GLRX: variants seen among roughly 807,000 people sequenced by gnomAD.
GLRX encodes glutaredoxin, also known as glutaredoxin-1.
GLRX carries 9 observed loss-of-function variants against 11.1 expected under a neutral mutation model. The ratio of observed to expected loss-of-function variants is 0.81; its 90% CI spans 0.49 to 1.42. The LOEUF is 1.42. Among genes scored for constraint, GLRX ranks in the 40% most tolerant of loss-of-function variants. The pLI is 0.00. For synonymous variants in GLRX, 49 were observed against 49.5 expected, an observed-to-expected ratio of 0.99 and a Z score of 0.04; for missense variants, 102 against 126.2, an observed-to-expected ratio of 0.81 and a Z score of 0.92.
At chr5:95,819,908 A>C (rs1213392738) in intron 1 of GLRX, among the ~76,000 whole-genome samples, 1 of 150,856 alleles carries the variant, frequency 6.6e-6, no homozygotes, top group Non-Finnish European at 1.5e-5. Context: ...AAAAAAAAAA[A>C]AAAAAAAAAA....
intron 1 of GLRX, chr5:95,816,936 A>T (rs905612761): frequency 3.9e-5 from 9 of 227,902 alleles, no homozygotes; most frequent in Non-Finnish European, 8.0e-5. Context: ...GGCTGCAGTC[A>T]GACCACCTAG....
intron 1 of GLRX, 43 bp downstream of exon 1, chr5:95,822,413 G>C (rs756208930): frequency 6.7e-7 from 1 of 1,481,646 alleles, no homozygotes; most frequent in African/African-American, 1.4e-5. Flanking sequence ...ACAAGAAAAG[G>C]CAATCCGGGA....
chr5:95,814,964 GGAAA>G (rs1021364948), intron 2 of GLRX: 10 of 166,784 alleles, frequency 6.0e-5, no homozygotes, highest in Non-Finnish European at 1.0e-4. Flanking sequence ...TGTTCTGCCA[GGAAA>G]GAAAGAAGGG....
chr5:95,822,436 C>T lies in GLRX; in HGVS notation c.207+20G>A, dbSNP rs1267474957. 3 of 1,588,680 alleles carry T rather than the reference C, an allele frequency of 1.9e-6. No individual in the cohort carries two copies. In the Admixed American group the frequency reaches 5.0e-5, roughly 26 times the overall value. On this transcript the variant is annotated intron_variant, in intron 1 of 2. Transcript: ENST00000237858. Reference sequence around the variant, plus strand: ...AGGCAATCCGGGAGCCTTTCCCTAGCCGTTTAAAATGAAACTCACCGTTCT... The same window carrying T: ...AGGCAATCCGGGAGCCTTTCCCTAGTCGTTTAAAATGAAACTCACCGTTCT...
chr5:95,815,029 C>G (rs926684801), intron 2 of GLRX: 2 of 153,118 alleles, frequency 1.3e-5, no homozygotes, highest in African/African-American at 4.8e-5. Flanking sequence ...AGAACACTTA[C>G]ACCTGCCATT....
chr5:95,816,389 A>G (rs563970997), intron 2 of GLRX, 118 bp downstream of exon 2: 3 of 623,438 alleles, frequency 4.8e-6, no homozygotes, highest in East Asian at 2.7e-5. Context: ...CCATTCCTCA[A>G]CTCACCCCAA....
At chr5:95,815,146 A>G (rs932949868) in intron 2 of GLRX, among the ~76,000 whole-genome samples, 2 of 152,216 alleles carry the variant, frequency 1.3e-5, no homozygotes, top group African/African-American at 4.8e-5. Context: ...GACTTTCTGA[A>G]TATGGGGGAC....
At chr5:95,820,319 C>G (rs1306843116) in intron 1 of GLRX, among the ~76,000 whole-genome samples, 1 of 135,586 alleles carries the variant, frequency 7.4e-6, no homozygotes, top group Admixed American at 8.3e-5. Flanking sequence ...CCACTGCACT[C>G]TAGCCTGGGT....
At chr5:95,821,543 T>C (rs1254713194) in intron 1 of GLRX, among the ~76,000 whole-genome samples, 1 of 152,154 alleles carries the variant, frequency 6.6e-6, no homozygotes, top group African/African-American at 2.4e-5. Flanking sequence ...AAAACTGAAA[T>C]AGGATATGTG....
chr5:95,815,499 T>C (rs1746958420), intron 2 of GLRX, among the ~76,000 whole-genome samples: 2 of 152,230 alleles, frequency 1.3e-5, no homozygotes, highest in South Asian at 4.1e-4. Flanking sequence ...AAATGAGTTA[T>C]TAATTAGCAG....
chr5:95,816,611 TAAAG>T lies in GLRX; in HGVS notation c.219_222del (p.Phe74LeufsTer6). On this transcript the variant is annotated frameshift_variant, in exon 2 of 3. Coordinates refer to ENST00000237858, the MANE Select transcript of GLRX (RefSeq NM_001118890.2). LOFTEE classifies it high-confidence loss of function. ...CATCCGCCTATACAATCTTTACCAA[TAAAG>T]ACTCGAGGCACCTAAAAAAGCACAC... 6.3e-7 allele frequency: 1 copy of T among 1,581,536 alleles called. No individual in the cohort carries two copies. Among genetic ancestry groups the T allele is most frequent in the Non-Finnish European group, 8.7e-7 (1 of 1,150,258 alleles).
intron 1 of GLRX, among the ~76,000 whole-genome samples, chr5:95,820,398 ATAT>A (rs1401465399): frequency 6.6e-6 from 1 of 151,300 alleles, no homozygotes; most frequent in African/African-American, 2.4e-5. Flanking sequence ...ACTACAAGAA[ATAT>A]TGTTGTTCTA....
chr5:95,822,337 G>T, intron 1 of GLRX, 119 bp downstream of exon 1: 1 of 445,196 alleles, frequency 2.2e-6, no homozygotes. Flanking sequence ...CCCCCGCCCC[G>T]CACAGCCCTC....
chr5:95,814,801 C>T (rs899728634), intron 2 of GLRX: 1 of 152,970 alleles, frequency 6.5e-6, no homozygotes, highest in East Asian at 1.9e-4. Flanking sequence ...CGTCAACCTT[C>T]TTGGCCCTGT....
chr5:95,818,850 C>T (rs1747106240), intron 1 of GLRX: 1 of 152,512 alleles, frequency 6.6e-6, no homozygotes, highest in African/African-American at 2.4e-5. Flanking sequence ...ACCTCACCTC[C>T]ACTAACTCTC....
chr5:95,821,369 T>C (rs1293025113), intron 1 of GLRX, among the ~76,000 whole-genome samples: 1 of 152,088 alleles, frequency 6.6e-6, no homozygotes, highest in Non-Finnish European at 1.5e-5. Flanking sequence ...CAAGAGCTTC[T>C]CTCGTCATTG....
At position 95,814,282 on chromosome 5, in the gene GLRX, C is replaced by T. The variant is rs1432262080; in HGVS notation, c.*114G>A. The T allele has an allele frequency of 2.0e-5, 3 of 152,668 alleles. No homozygotes were observed. Among genetic ancestry groups the T allele is most frequent in the Non-Finnish European group, 1.5e-5 (1 of 68,044 alleles). 9.5% of individuals were successfully genotyped at this position (152,668 alleles called of 1,614,324 possible). A position where few individuals can be genotyped will look rare whatever the true frequency, so the allele number is the denominator to read the frequency against. On this transcript the variant is annotated 3_prime_UTR_variant, in exon 3 of 3. Coordinates refer to ENST00000237858, the MANE Select transcript of GLRX (RefSeq NM_001118890.2). ...GTTCCGCATGACCACAGCCTCTGCA[C>T]TTGTGCCTCTGATCCATATGACACC...
intron 2 of GLRX, among the ~76,000 whole-genome samples, chr5:95,815,177 A>C (rs1449739939): frequency 2.0e-5 from 3 of 152,252 alleles, no homozygotes; most frequent in Admixed American, 2.0e-4. Context: ...ACACCAAAAT[A>C]GAAGCAGTTG....
intron 1 of GLRX, among the ~76,000 whole-genome samples, chr5:95,819,736 A>G (rs142606718): frequency 1.3e-4 from 20 of 152,074 alleles, no homozygotes; most frequent in African/African-American, 3.9e-4. Context: ...CGTCTCTACT[A>G]AACATACAAA....
Sources: allele counts gnomAD v4.1 joint callset (sites outside exome capture counted in the v4.1 genomes callset), GRCh38; gene constraint gnomAD v4.1.1; transcripts MANE v1.5; gene names NCBI Gene and HGNC (gene_info 2026-07-23, HGNC 2026-07-21).